Variants in SRGAP1 observed in about 807,000 individuals in gnomAD.
The protein encoded by SRGAP1 is SLIT-ROBO Rho GTPase activating protein 1.
In SRGAP1, 43 loss-of-function variants were observed where a neutral mutation model predicts 121.9. The observed-to-expected ratio is 0.35, with a 90% CI of 0.28 to 0.46. The LOEUF (loss-of-function observed/expected upper bound fraction) is 0.46. Among genes scored for constraint, SRGAP1 ranks in the 20% least tolerant of loss-of-function variants. The pLI, the probability that SRGAP1 is intolerant of heterozygous loss-of-function variation, is 1.00. For missense variants in SRGAP1, 1,102 were observed against 1,350.9 expected (o/e 0.82, Z 2.89); for synonymous variants, 447 against 485.4 (o/e 0.92, Z 1.04).
intron 4 of SRGAP1, among the ~76,000 whole-genome samples, chr12:64,023,204 C>CAA (rs11312893): frequency 7.3e-4 from 56 of 77,036 alleles, no homozygotes; most frequent in African/African-American, 1.5e-3. Context: ...ACTTTTGTAC[C>CAA]AAAAAAAAAA....
Position 64,143,439 on chromosome 12 carries a change from C to T in SRGAP1, c.*767C>T, listed in dbSNP as rs960221135. 2 of 152,112 alleles carry T rather than the reference C, an allele frequency of 1.3e-5. No homozygotes were observed. Among genetic ancestry groups the T allele is most frequent in the Admixed American group, 6.5e-5 (1 of 15,270 alleles). 9.4% of individuals were successfully genotyped at this position (152,112 alleles called of 1,614,324 possible). Reference sequence around the variant, plus strand: ...AAGTCCCCCCATCTACACTTACAAACGATTAGAAGGGTTTAATTTTAAAGA... The same window carrying T: ...AAGTCCCCCCATCTACACTTACAAATGATTAGAAGGGTTTAATTTTAAAGA... On this transcript the variant is annotated 3_prime_UTR_variant, in exon 22 of 22. Coordinates refer to ENST00000355086, the MANE Select transcript of SRGAP1 (RefSeq NM_020762.4).
rs1009031695 is a variant in SRGAP1 at position 63,994,135 on chromosome 12, T to G, written c.426+4063T>G. ...CTACTCCAGATAGTCGTTTAGAGGA[T>G]TCATGAGTTATATATGGAAAACCAC... On this transcript the variant is annotated intron_variant, in intron 3 of 21. Coordinates refer to ENST00000355086, the MANE Select transcript of SRGAP1 (RefSeq NM_020762.4). Among the ~76,000 whole-genome samples, 8 of 152,160 alleles carry G rather than the reference T, an allele frequency of 5.3e-5. 2 individuals are homozygous for G. Among genetic ancestry groups the G allele is most frequent in the Admixed American group, 3.9e-4 (6 of 15,258 alleles).
chr12:64,038,364 G>C (rs2136498479), intron 4 of SRGAP1, among the ~76,000 whole-genome samples: 1 of 151,922 alleles, frequency 6.6e-6, no homozygotes, highest in East Asian at 1.9e-4. Context: ...ACACAATTTG[G>C]CATCCATGAC....
chr12:64,069,656 C>T (rs1384783780), intron 8 of SRGAP1, among the ~76,000 whole-genome samples: 1 of 152,020 alleles, frequency 6.6e-6, no homozygotes, highest in African/African-American at 2.4e-5. Context: ...CATTAATAAA[C>T]ATTACTTTTG....
At chr12:63,987,206 T>C (rs1312280086) in intron 2 of SRGAP1, among the ~76,000 whole-genome samples, 2 of 152,248 alleles carry the variant, frequency 1.3e-5, no homozygotes, top group Admixed American at 6.5e-5. Flanking sequence ...TTTAGCATGA[T>C]ATCATTACCA....
chr12:64,094,081 A>G (rs1363527198), intron 12 of SRGAP1, among the ~76,000 whole-genome samples: 1 of 152,200 alleles, frequency 6.6e-6, no homozygotes, highest in Non-Finnish European at 1.5e-5. Context: ...TTCTTTTTAA[A>G]AAAGATCTAA....
In SRGAP1 at chr12:64,142,611, A is replaced by G; in HGVS notation, c.3197A>G (p.Asn1066Ser). The G allele has an allele frequency of 6.2e-7, 1 of 1,614,150 alleles. No individual in the cohort carries two copies. ...RPKPAVLPKT[N>S]PTIGPAPPPQ... The stretch of plus-strand genomic sequence containing the variant: ...AAACCTGCTGTTCTTCCAAAAACAA[A>G]TCCTACCATAGGACCTGCCCCACCT... Residue 1066 changes from asparagine (N) to serine (S), a missense_variant, in exon 22 of 22, where the codon AAT (asparagine) becomes AGT (serine). Around this residue, in one of 3 missense-constraint regions of SRGAP1, gnomAD observed 315 missense variants for 343.1 expected, o/e 0.92. Transcript: ENST00000355086.
Position 63,844,992 on chromosome 12 carries a change from A to C in SRGAP1, c.67+109A>C, listed in dbSNP as rs559508542. 9.6e-4 allele frequency: 1,075 copies of C among 1,124,342 alleles called. 5 individuals carry two copies. In the African/African-American group the frequency reaches 0.014, roughly 15 times the overall value. 69.6% of individuals were successfully genotyped at this position (1,124,342 alleles called of 1,614,324 possible). A position where few individuals can be genotyped will look rare whatever the true frequency, so the allele number is the denominator to read the frequency against. On this transcript the variant is annotated intron_variant, in intron 1 of 21. Transcript: ENST00000355086. The surrounding 1 kb of genome is among the most constrained non-coding windows in gnomAD (Gnocchi z 4.3). The stretch of plus-strand genomic sequence containing the variant: ...TGCGTGGGAGGAAGGTGGTGAGGGG[A>C]CAGCTCGAGCCCTGTCTGAGCCACC...
intron 8 of SRGAP1, among the ~76,000 whole-genome samples, chr12:64,076,954 A>G (rs2035749985): frequency 6.6e-6 from 1 of 152,172 alleles, no homozygotes; most frequent in African/African-American, 2.4e-5. Flanking sequence ...AGAAAGAAAA[A>G]TTAAAGAATA....
At chr12:64,131,969 G>C (rs2036791694) in intron 21 of SRGAP1, among the ~76,000 whole-genome samples, 1 of 152,188 alleles carries the variant, frequency 6.6e-6, no homozygotes, top group Non-Finnish European at 1.5e-5. Flanking sequence ...GAGGTCAGGA[G>C]TTCAAGACCA....
At chr12:63,952,757 A>T (rs893517355) in intron 1 of SRGAP1, among the ~76,000 whole-genome samples, 1 of 152,054 alleles carries the variant, frequency 6.6e-6, no homozygotes, top group African/African-American at 2.4e-5. Context: ...ATAAACCTAA[A>T]CTAATAGGGA....
At chr12:64,064,319 TAAG>T (rs1002139690) in intron 7 of SRGAP1, among the ~76,000 whole-genome samples, 1 of 152,192 alleles carries the variant, frequency 6.6e-6, no homozygotes, top group Non-Finnish European at 1.5e-5. Flanking sequence ...ACAAGGCAGA[TAAG>T]AAGAAATTGT....
chr12:63,854,543 G>A (rs528875869), intron 1 of SRGAP1, among the ~76,000 whole-genome samples: 1 of 152,154 alleles, frequency 6.6e-6, no homozygotes, highest in South Asian at 2.1e-4. Flanking sequence ...GGTGCACGAG[G>A]TTAATTATAT....
At chr12:63,850,364 T>C (rs1198654516) in intron 1 of SRGAP1, among the ~76,000 whole-genome samples, 2 of 152,180 alleles carry the variant, frequency 1.3e-5, no homozygotes, top group Admixed American at 6.5e-5. Flanking sequence ...TGTGCTATGT[T>C]GACCAGTTTA....
intron 1 of SRGAP1, among the ~76,000 whole-genome samples, chr12:63,931,819 G>A (rs2031485254): frequency 6.6e-6 from 1 of 152,144 alleles, no homozygotes; most frequent in Non-Finnish European, 1.5e-5. Flanking sequence ...CATGCACATG[G>A]GGATTATTTT....
chr12:64,005,663 T>A (rs369668563), intron 3 of SRGAP1, among the ~76,000 whole-genome samples: 4 of 151,630 alleles, frequency 2.6e-5, no homozygotes, highest in East Asian at 1.9e-4. Context: ...AAAATAAAAA[T>A]AAAAAAAAGT....
At chr12:64,100,868 G>C (rs2036242713) in intron 15 of SRGAP1, among the ~76,000 whole-genome samples, 1 of 151,986 alleles carries the variant, frequency 6.6e-6, no homozygotes, top group African/African-American at 2.4e-5. Flanking sequence ...TAAATCCTTT[G>C]AGTAGCATAA....
At chr12:63,850,417 T>C (rs1353963502) in intron 1 of SRGAP1, among the ~76,000 whole-genome samples, 1 of 134,470 alleles carries the variant, frequency 7.4e-6, no homozygotes, top group Admixed American at 7.8e-5. Context: ...TTAGAGTCTT[T>C]GTAAATTGGC....
rs145757287 is a variant in SRGAP1, at chr12:63,869,118, A to G, written c.67+24235A>G. 3.2e-3 allele frequency among the ~76,000 whole-genome samples: 482 copies of G among 152,332 alleles called. 4 individuals are homozygous for G. Among genetic ancestry groups the G allele is most frequent in the Non-Finnish European group, 5.0e-3 (341 of 68,030 alleles). The stretch of plus-strand genomic sequence containing the variant: ...ACACTAAGGTCTGTTTTGTGCTGCT[A>G]TAACAGAGTACCACAGACTAGGTAA... On this transcript the variant is annotated intron_variant, in intron 1 of 21. Coordinates refer to ENST00000355086, the MANE Select transcript of SRGAP1 (RefSeq NM_020762.4).
Sources: gnomAD v4.1 joint callset for allele counts (sites outside exome capture counted in the v4.1 genomes callset) on GRCh38, gnomAD v4.1.1 for gene constraint, gnomAD v4.1.1 regional missense constraint, Gnocchi (gnomAD v3.1) non-coding constraint, MANE v1.5 for transcripts, NCBI Gene and HGNC (gene_info 2026-07-23, HGNC 2026-07-21) for gene names.